Variants in PIAS2 observed in about 807,000 individuals in gnomAD.
The protein encoded by PIAS2 is E3 SUMO-protein ligase PIAS2.
In PIAS2, 19 loss-of-function variants were observed where a neutral mutation model predicts 69.7. That is an observed-to-expected ratio of 0.27 (90% CI 0.19 to 0.40). The LOEUF (loss-of-function observed/expected upper bound fraction) is 0.40, where lower values mean the gene tolerates loss of function less well. Ranked by LOEUF, PIAS2 falls within the 10% of genes least tolerant of loss-of-function variation. The pLI, the probability that PIAS2 is intolerant of heterozygous loss-of-function variation, is 1.00. For missense variants in PIAS2, 624 were observed against 757.0 expected, an observed-to-expected ratio of 0.82 and a Z score of 2.06; for synonymous variants, 261 against 263.2, an observed-to-expected ratio of 0.99 and a Z score of 0.08.
intron 1 of PIAS2, among the ~76,000 whole-genome samples, chr18:46,892,437 T>C (rs1040790834): frequency 6.6e-6 from 1 of 151,976 alleles, no homozygotes; most frequent in African/African-American, 2.4e-5. Context: ...CAACACAAAT[T>C]AATAGAAGAC....
intron 1 of PIAS2, among the ~76,000 whole-genome samples, chr18:46,894,062 G>A (rs2054475063): frequency 1.3e-5 from 2 of 152,264 alleles, no homozygotes; most frequent in South Asian, 4.1e-4. Flanking sequence ...GGAGGTGGAA[G>A]TTGCAGTGAG....
chr18:46,841,121 T>C (rs1271798246), intron 8 of PIAS2, among the ~76,000 whole-genome samples: 1 of 152,196 alleles, frequency 6.6e-6, no homozygotes, highest in Non-Finnish European at 1.5e-5. Context: ...GAAACTCCTA[T>C]GTAAAATTCA....
intron 13 of PIAS2, among the ~76,000 whole-genome samples, chr18:46,813,043 G>T (rs1397599311): frequency 6.6e-6 from 1 of 151,988 alleles, no homozygotes; most frequent in Non-Finnish European, 1.5e-5. Context: ...AGCCTTTCCC[G>T]GTATGGATTG....
rs1488203787 is a variant in PIAS2 at position 46,884,431 on chromosome 18, G to A, written c.499+6149C>T. ...AGATTCACGCCATTCTCCTGCCTCA[G>A]CCTCCCGAGTAGCTGGGACTACAGG... On this transcript the variant is annotated intron_variant, in intron 2 of 13. Transcript: ENST00000585916. Among the ~76,000 whole-genome samples, 4 of 151,980 alleles carry A rather than the reference G, an allele frequency of 2.6e-5. No homozygotes were observed. The East Asian group carries it at 5.9e-4, about 22-fold the overall frequency.
At chr18:46,822,631 T>C (rs2042301518) in intron 11 of PIAS2, among the ~76,000 whole-genome samples, 1 of 152,168 alleles carries the variant, frequency 6.6e-6, no homozygotes, top group Non-Finnish European at 1.5e-5. Flanking sequence ...TCATCTTTTC[T>C]GGAGGTTTGA....
Position 46,848,759 on chromosome 18 carries a change from G to C in PIAS2, c.727-1918C>G, listed in dbSNP as rs534410533. On this transcript the variant is annotated intron_variant, in intron 5 of 13. Coordinates refer to ENST00000585916, the MANE Select transcript of PIAS2 (RefSeq NM_004671.5). ...TGCATTATAATATGGAAATGAAAGA[G>C]AGAGACAGTGTGTGTGTGTGTGTGT... 5.3e-5 allele frequency among the ~76,000 whole-genome samples: 8 copies of C among 150,530 alleles called. No homozygotes were observed. In the South Asian group the frequency reaches 1.7e-3, roughly 32 times the overall value.
intron 9 of PIAS2, among the ~76,000 whole-genome samples, chr18:46,833,003 A>G: frequency 6.6e-6 from 1 of 152,214 alleles, no homozygotes; most frequent in Non-Finnish European, 1.5e-5. Context: ...CCGCTTTGGA[A>G]AACAGTTTGA....
intron 2 of PIAS2, among the ~76,000 whole-genome samples, chr18:46,888,384 T>C (rs72913066): frequency 0.011 from 1,680 of 151,284 alleles, 18 homozygotes; most frequent in Non-Finnish European, 0.017. Context: ...TTATCAGAAA[T>C]AGAAAAACTC....
At chr18:46,917,289 C>A (rs761194657) in intron 1 of PIAS2, 33 bp downstream of exon 1, 1 of 1,458,910 alleles carries the variant, frequency 6.9e-7, no homozygotes. Context: ...CCCATCCCCT[C>A]CCCCGCGGCC....
At chr18:46,915,986 T>C (rs1475205605) in intron 1 of PIAS2, among the ~76,000 whole-genome samples, 1 of 152,184 alleles carries the variant, frequency 6.6e-6, no homozygotes, top group African/African-American at 2.4e-5. Flanking sequence ...GCTCTACAGC[T>C]GGGGCTCTGA....
intron 8 of PIAS2, among the ~76,000 whole-genome samples, chr18:46,840,341 C>G (rs1236548434): frequency 6.6e-6 from 1 of 152,156 alleles, no homozygotes; most frequent in Admixed American, 6.5e-5. Context: ...GGGTAACCCA[C>G]GTTAAACATC....
In PIAS2 at chr18:46,815,338, G is replaced by A. The variant is rs774321975; in HGVS notation, c.1660C>T (p.Leu554Phe). 6.2e-7 allele frequency: 1 copy of A among 1,612,116 alleles called. No individual in the cohort carries two copies. The highest frequency in any genetic ancestry group is 8.5e-7 in the Non-Finnish European group (1 of 1,178,672). The change falls in exon 13 of 14, where the codon CTT becomes TTT. Residue 554 changes from leucine to phenylalanine, a missense_variant. Leu to Phe is a conservative substitution (Grantham distance 22). This residue lies in a region of PIAS2 where 241 missense variants were observed against 257.3 expected (regional missense o/e 0.94). Coordinates refer to ENST00000585916, the MANE Select transcript of PIAS2 (RefSeq NM_004671.5). Reference protein sequence around the residue: ...MSSDLPGLDFLSLIPVDPQYC... With the variant: ...MSSDLPGLDFFSLIPVDPQYC... The stretch of plus-strand genomic sequence containing the variant: ...TGGGGATCAACTGGAATAAGGGAAA[G>A]AAAATCCAAACCTAAAACAAAAATG...
chr18:46,842,380 GA>G (rs909021446), intron 8 of PIAS2, among the ~76,000 whole-genome samples: 64 of 150,626 alleles, frequency 4.2e-4, no homozygotes, highest in African/African-American at 1.6e-3. Context: ...ACTGTATGAA[GA>G]AAAAAAATTT....
intron 2 of PIAS2, among the ~76,000 whole-genome samples, chr18:46,889,242 T>A (rs1263901389): frequency 6.6e-6 from 1 of 152,056 alleles, no homozygotes; most frequent in Non-Finnish European, 1.5e-5. Flanking sequence ...AATTGGAATT[T>A]CATGAAAAAA....
intron 11 of PIAS2, among the ~76,000 whole-genome samples, chr18:46,823,893 C>G (rs2042481990): frequency 6.6e-6 from 1 of 151,966 alleles, no homozygotes; most frequent in South Asian, 2.1e-4. Context: ...ATTCTAAAGC[C>G]TATGCAAAAA....
At chr18:46,888,900 A>C (rs2053630530) in intron 2 of PIAS2, among the ~76,000 whole-genome samples, 1 of 152,116 alleles carries the variant, frequency 6.6e-6, no homozygotes, top group Non-Finnish European at 1.5e-5. Flanking sequence ...AGGGTTGGAG[A>C]CCTTGGAACA....
rs55776913 is a variant in PIAS2 at position 46,859,427 on chromosome 18, C to CAAAAAAAAAAAAAAAAAAAAAAAAAAA, written c.585-3813_585-3812insTTTTTTTTTTTTTTTTTTTTTTTTTTT. ...TGGGTGACAGAGCGAGACTCCGTCT[C>CAAAAAAAAAAAAAAAAAAAAAAAAAAA]AAAAAAAAAAAAAAAAAAAAAAAAA... is the stretch of plus-strand genomic sequence containing the variant. On this transcript the variant is annotated intron_variant, in intron 3 of 13. Coordinates refer to ENST00000585916, the MANE Select transcript of PIAS2 (RefSeq NM_004671.5). Among the ~76,000 whole-genome samples, 2 of 89,544 alleles carry CAAAAAAAAAAAAAAAAAAAAAAAAAAA rather than the reference C, an allele frequency of 2.2e-5. 1 individual carries two copies. The highest frequency in any genetic ancestry group is 4.0e-5 in the Non-Finnish European group (2 of 50,206). The allele number at this position is 89,544 out of a possible 152,430, so 58.7% of individuals were successfully genotyped here. A position where few individuals can be genotyped will look rare whatever the true frequency, so the allele number is the denominator to read the frequency against.
chr18:46,817,918 T>C (rs2041733421), intron 12 of PIAS2: 3 of 982,662 alleles, frequency 3.1e-6, no homozygotes, highest in Non-Finnish European at 3.6e-6. Flanking sequence ...TTTTACTGCC[T>C]TGTTTCGTAA....
chr18:46,919,556 G>C (rs2058406366), upstream of PIAS2, among the ~76,000 whole-genome samples: 1 of 152,050 alleles, frequency 6.6e-6, no homozygotes, highest in South Asian at 2.1e-4. Flanking sequence ...GGCTGAGACA[G>C]GAAAATTGCT....
Sources: gnomAD v4.1 joint callset for allele counts (sites outside exome capture counted in the v4.1 genomes callset) on GRCh38, gnomAD v4.1.1 for gene constraint, gnomAD v4.1.1 regional missense constraint, MANE v1.5 for transcripts, NCBI Gene and HGNC (gene_info 2026-07-23, HGNC 2026-07-21) for gene names.